GRID2: variants seen among roughly 807,000 people sequenced by gnomAD.
GRID2 encodes the protein glutamate ionotropic receptor delta type subunit 2, also known as glutamate receptor ionotropic, delta-2.
Under a neutral mutation model 114.8 loss-of-function variants are expected in GRID2, and 33 were observed. That is an observed-to-expected ratio of 0.29 (90% CI 0.22 to 0.38). The LOEUF is 0.38. Among genes scored for constraint, GRID2 ranks in the 10% least tolerant of loss-of-function variants. GRID2 has a pLI of 1.00. For synonymous variants in GRID2, 505 were observed against 449.9 expected (o/e 1.12, Z -1.55); for missense variants, 1,184 against 1,257.7 (o/e 0.94, Z 0.89).
intron 13 of GRID2, among the ~76,000 whole-genome samples, chr4:93,539,915 AG>A (rs1732483170): frequency 6.6e-6 from 1 of 151,966 alleles, no homozygotes; most frequent in Admixed American, 6.6e-5. Context: ...TGGGCACCTG[AG>A]AGGCCCATTT....
At chr4:93,569,881 A>G (rs568004748) in intron 13 of GRID2, among the ~76,000 whole-genome samples, 1 of 152,310 alleles carries the variant, frequency 6.6e-6, no homozygotes, top group South Asian at 2.1e-4. Flanking sequence ...ATAGAATCCC[A>G]TATCCTCCAA....
At chr4:92,740,379 A>C (rs1323243420) in intron 2 of GRID2, among the ~76,000 whole-genome samples, 1 of 152,166 alleles carries the variant, frequency 6.6e-6, no homozygotes, top group East Asian at 1.9e-4. Context: ...GTCAGTGTTC[A>C]TCTCTGTATC....
At chr4:93,174,706 A>G (rs759343462) in intron 4 of GRID2, among the ~76,000 whole-genome samples, 5 of 152,144 alleles carry the variant, frequency 3.3e-5, no homozygotes, top group Non-Finnish European at 5.9e-5. Context: ...TACAGCCCTC[A>G]CCGGAAACTA....
intron 2 of GRID2, among the ~76,000 whole-genome samples, chr4:92,942,590 G>C (rs1158738967): frequency 3.3e-5 from 5 of 152,114 alleles, no homozygotes; most frequent in Non-Finnish European, 7.4e-5. Flanking sequence ...CTATTGTTAT[G>C]TGTGAATTTG....
chr4:93,471,758 T>C (rs1398706772), intron 11 of GRID2, among the ~76,000 whole-genome samples: 2 of 139,670 alleles, frequency 1.4e-5, no homozygotes, highest in Non-Finnish European at 3.1e-5. Flanking sequence ...TGGAGTGCAA[T>C]GGCGTGATCT....
At chr4:92,737,424 CA>C (rs1247156553) in intron 2 of GRID2, among the ~76,000 whole-genome samples, 1 of 151,904 alleles carries the variant, frequency 6.6e-6, no homozygotes, top group African/African-American at 2.4e-5. Flanking sequence ...ATCTTAATAC[CA>C]AAACAAGCTA....
intron 1 of GRID2, among the ~76,000 whole-genome samples, chr4:92,589,097 C>G (rs574898284): frequency 6.6e-6 from 1 of 152,252 alleles, no homozygotes; most frequent in South Asian, 2.1e-4. Context: ...CAGAACAAGA[C>G]TCCATCTCAA....
intron 1 of GRID2, among the ~76,000 whole-genome samples, chr4:92,588,958 T>C (rs997656800): frequency 6.6e-6 from 1 of 151,416 alleles, no homozygotes; most frequent in Non-Finnish European, 1.5e-5. Flanking sequence ...CACAAAAAAA[T>C]AGCCGAGTGT....
intron 3 of GRID2, among the ~76,000 whole-genome samples, chr4:93,098,770 T>G (rs918302846): frequency 3.3e-5 from 5 of 151,894 alleles, no homozygotes; most frequent in African/African-American, 9.7e-5. Context: ...TAGAATGGAT[T>G]CAGCTGTAGA....
At chr4:93,016,044 G>A (rs1722667767) in intron 2 of GRID2, among the ~76,000 whole-genome samples, 1 of 137,126 alleles carries the variant, frequency 7.3e-6, no homozygotes, top group Non-Finnish European at 1.6e-5. Context: ...TTTTTGGGGA[G>A]GGGGAAGTGT....
chr4:92,640,963 GGT>G (rs1403181087), intron 2 of GRID2, among the ~76,000 whole-genome samples: 1 of 151,556 alleles, frequency 6.6e-6, no homozygotes, highest in Non-Finnish European at 1.5e-5. Flanking sequence ...TTTAATATAA[GGT>G]GTGTGTGCAT....
At chr4:92,539,041 CA>C (rs36120695) in intron 1 of GRID2, among the ~76,000 whole-genome samples, 36,128 of 101,978 alleles carry the variant, frequency 0.35, 4,350 homozygotes, top group Middle Eastern at 0.44. Flanking sequence ...GACTCCATCT[CA>C]AAAAAAAAAA....
chr4:93,514,465 C>G (rs2149489941), intron 12 of GRID2, among the ~76,000 whole-genome samples: 1 of 94,120 alleles, frequency 1.1e-5, no homozygotes, highest in South Asian at 3.4e-4. Flanking sequence ...ACACACAATG[C>G]TAAAGCAAAT....
intron 8 of GRID2, among the ~76,000 whole-genome samples, chr4:93,392,796 A>T (rs114193363): frequency 0.037 from 5,660 of 152,166 alleles, 165 homozygotes; most frequent in Middle Eastern, 0.078. Flanking sequence ...CATAAGTTAT[A>T]AAACAACACC....
chr4:93,225,877 C>T (rs2149493668), intron 7 of GRID2, among the ~76,000 whole-genome samples: 2 of 152,202 alleles, frequency 1.3e-5, no homozygotes, highest in South Asian at 2.1e-4. Flanking sequence ...GACCATGGCA[C>T]CCACATCTGG....
chr4:92,886,016 C>G (rs1330375109), intron 2 of GRID2, among the ~76,000 whole-genome samples: 4 of 152,170 alleles, frequency 2.6e-5, no homozygotes, highest in Non-Finnish European at 5.9e-5. Context: ...TATCTTGATT[C>G]TCATGGTTTT....
intron 2 of GRID2, among the ~76,000 whole-genome samples, chr4:92,794,871 G>GTT (rs1276614385): frequency 2.2e-3 from 156 of 69,754 alleles, no homozygotes; most frequent in Admixed American, 3.8e-3. Context: ...ATAAATAATT[G>GTT]TTTTATATAT....
intron 1 of GRID2, among the ~76,000 whole-genome samples, chr4:92,368,555 T>G (rs990861032): frequency 6.6e-6 from 1 of 152,158 alleles, no homozygotes; most frequent in African/African-American, 2.4e-5. Flanking sequence ...AGCTTAGTTT[T>G]ATACTCACTT....
chr4:93,497,093 C>T (rs1253686012), intron 12 of GRID2, among the ~76,000 whole-genome samples: 2 of 150,820 alleles, frequency 1.3e-5, no homozygotes, highest in Non-Finnish European at 1.5e-5. Context: ...GTGGTGATGT[C>T]TCATTGTGGT....
Sources: allele counts gnomAD v4.1 joint callset (sites outside exome capture counted in the v4.1 genomes callset), GRCh38; gene constraint gnomAD v4.1.1; transcripts MANE v1.5; gene names NCBI Gene and HGNC (gene_info 2026-07-23, HGNC 2026-07-21).